The following ANO2 variants were observed in gnomAD, a reference collection of about 807,000 sequenced individuals.
The protein encoded by ANO2 is anoctamin 2, also known as anoctamin-2.
In ANO2, 101 loss-of-function variants were observed where a neutral mutation model predicts 124.2. The observed-to-expected ratio is 0.81, with a 90% confidence interval of 0.69 to 0.96. ANO2 has a LOEUF of 0.96. Among genes scored for constraint, ANO2 ranks in the 40% least tolerant of loss-of-function variants. ANO2 has a pLI of 0.00. For missense variants in ANO2, 1,293 were observed against 1,274.5 expected, an observed-to-expected ratio of 1.01 and a Z score of -0.22; for synonymous variants, 486 against 482.5, an observed-to-expected ratio of 1.01 and a Z score of -0.09.
intron 16 of ANO2, among the ~76,000 whole-genome samples, chr12:5,628,175 A>G (rs1053708517): frequency 6.6e-6 from 1 of 152,192 alleles, no homozygotes; most frequent in African/African-American, 2.4e-5. Flanking sequence ...TAAAACTTAT[A>G]AAGCTCGCAG....
At chr12:5,895,514 C>A (rs1012003605) in intron 3 of ANO2, among the ~76,000 whole-genome samples, 1 of 151,952 alleles carries the variant, frequency 6.6e-6, no homozygotes, top group Non-Finnish European at 1.5e-5. Flanking sequence ...AAACAAATAG[C>A]CAACAAACAT....
At chr12:5,698,384 T>C (rs887782983) in intron 14 of ANO2, among the ~76,000 whole-genome samples, 6 of 152,042 alleles carry the variant, frequency 3.9e-5, no homozygotes, top group Non-Finnish European at 7.4e-5. Flanking sequence ...CAGCTGAGGG[T>C]TCTGACTGTT....
chr12:5,820,366 C>T (rs188205111), intron 7 of ANO2, among the ~76,000 whole-genome samples: 3 of 152,136 alleles, frequency 2.0e-5, no homozygotes, highest in African/African-American at 4.8e-5. Context: ...GGACCCAAAA[C>T]GTCATTGTGA....
At chr12:5,876,215 A>G (rs961074661) in intron 3 of ANO2, among the ~76,000 whole-genome samples, 2 of 152,190 alleles carry the variant, frequency 1.3e-5, no homozygotes, top group Admixed American at 1.3e-4. Flanking sequence ...TTTTTGGAAT[A>G]AGACAGTATT....
chr12:5,619,291 T>C (rs754356886), intron 16 of ANO2, among the ~76,000 whole-genome samples: 1 of 152,220 alleles, frequency 6.6e-6, no homozygotes, highest in African/African-American at 2.4e-5. Context: ...GTTTAGGAAA[T>C]ACCGTATTTG....
intron 14 of ANO2, among the ~76,000 whole-genome samples, chr12:5,669,489 C>T (rs1947886633): frequency 6.6e-6 from 1 of 152,054 alleles, no homozygotes; most frequent in South Asian, 2.1e-4. Context: ...TCTGCAAAGA[C>T]AATTCAATTT....
intron 13 of ANO2, 114 bp downstream of exon 13, chr12:5,739,203 T>G: frequency 9.6e-7 from 1 of 1,037,094 alleles, no homozygotes; most frequent in Non-Finnish European, 1.5e-6. Flanking sequence ...CACTGTGAGA[T>G]CCAGCCAGTG....
At chr12:5,877,793 T>G (rs966741267) in intron 3 of ANO2, among the ~76,000 whole-genome samples, 1 of 152,208 alleles carries the variant, frequency 6.6e-6, no homozygotes, top group Non-Finnish European at 1.5e-5. Context: ...TAAATTCTCA[T>G]AAGGAACGCA....
chr12:5,746,448 CTT>C (rs1951269383), intron 11 of ANO2, among the ~76,000 whole-genome samples: 1 of 152,068 alleles, frequency 6.6e-6, no homozygotes, highest in Non-Finnish European at 1.5e-5. Flanking sequence ...ATCGAAATGA[CTT>C]TGTATTTTGT....
At chr12:5,722,868 T>G (rs995316889) in intron 14 of ANO2, among the ~76,000 whole-genome samples, 7 of 152,156 alleles carry the variant, frequency 4.6e-5, no homozygotes, top group Admixed American at 2.0e-4. Context: ...GAGACAACAT[T>G]GGGAGGAAAA....
At chr12:5,571,841 A>G (rs1942141253) in intron 23 of ANO2, among the ~76,000 whole-genome samples, 2 of 152,168 alleles carry the variant, frequency 1.3e-5, no homozygotes, top group Non-Finnish European at 2.9e-5. Context: ...TGACCCAGTC[A>G]AGTTCACACA....
Position 5,832,614 on chromosome 12 carries a change from A to G in ANO2, c.634-11T>C. ...TTTGATCTCGTACATCTATGAAAGG[A>G]AGAGCCACAGGTCTGAAAAGGGGGC... On this transcript the variant is annotated splice_polypyrimidine_tract_variant and intron_variant, in intron 4 of 24. Coordinates refer to ENST00000682330, the MANE Select transcript of ANO2 (RefSeq NM_001364791.2). 6.2e-7 allele frequency: 1 copy of G among 1,608,086 alleles called. No individual in the cohort carries two copies. The highest frequency in any genetic ancestry group is 8.5e-7 in the Non-Finnish European group (1 of 1,177,172).
intron 3 of ANO2, among the ~76,000 whole-genome samples, chr12:5,889,368 A>G (rs946905863): frequency 6.6e-6 from 1 of 152,276 alleles, no homozygotes; most frequent in Non-Finnish European, 1.5e-5. Context: ...GAGGGCTGCA[A>G]GGACTGCCAG....
intron 16 of ANO2, among the ~76,000 whole-genome samples, chr12:5,619,601 G>T (rs1021710881): frequency 6.6e-6 from 1 of 152,110 alleles, no homozygotes; most frequent in Admixed American, 6.5e-5. Flanking sequence ...CTGCTTCCAA[G>T]CCTGGGCCTT....
chr12:5,832,657 A>G, intron 4 of ANO2, 54 bp from the exon 5 acceptor site: 1 of 1,535,758 alleles, frequency 6.5e-7, no homozygotes, highest in South Asian at 1.2e-5. Context: ...AGCAGAGAGG[A>G]ATGGCTTCAC....
chr12:5,708,889 C>T (rs1322072218), intron 14 of ANO2, among the ~76,000 whole-genome samples: 2 of 152,194 alleles, frequency 1.3e-5, no homozygotes, highest in East Asian at 3.9e-4. Flanking sequence ...CAGTCCCACA[C>T]CATTTGTGTC....
chr12:5,928,176 G>A (rs1293540672), intron 1 of ANO2, among the ~76,000 whole-genome samples: 1 of 152,152 alleles, frequency 6.6e-6, no homozygotes, highest in Non-Finnish European at 1.5e-5. Flanking sequence ...GAGGGAACTG[G>A]ACTTCTGGGC....
intron 7 of ANO2, among the ~76,000 whole-genome samples, chr12:5,813,074 G>GGA (rs143102055): frequency 0.29 from 42,956 of 145,764 alleles, 7,119 homozygotes; most frequent in Middle Eastern, 0.38. Flanking sequence ...GAAGACGAAA[G>GGA]AGGAAGGAAA....
intron 10 of ANO2, among the ~76,000 whole-genome samples, chr12:5,785,590 T>C (rs998755214): frequency 6.6e-6 from 1 of 152,070 alleles, no homozygotes; most frequent in Non-Finnish European, 1.5e-5. Context: ...CCAGTTACCA[T>C]GAAGAGCAAA....
Sources: gnomAD v4.1 joint callset for allele counts (sites outside exome capture counted in the v4.1 genomes callset) on GRCh38, gnomAD v4.1.1 for gene constraint, MANE v1.5 for transcripts, NCBI Gene and HGNC (gene_info 2026-07-23, HGNC 2026-07-21) for gene names.